The following LARP4B variants were observed in gnomAD, a reference collection of about 807,000 sequenced individuals.
LARP4B encodes la-related protein 4B.
In LARP4B, 12 loss-of-function variants were observed where a neutral mutation model predicts 89.8. That is an observed-to-expected ratio of 0.13 (90% CI 0.09 to 0.22). LARP4B has a LOEUF of 0.22. LARP4B is among the 10% of genes least tolerant of loss of function. The pLI is 1.00. For missense variants in LARP4B, 757 were observed against 947.7 expected (o/e 0.80, Z 2.64); for synonymous variants, 367 against 363.3 (o/e 1.01, Z -0.12).
chr10:904,159 C>T (rs1186687220), intron 1 of LARP4B, among the ~76,000 whole-genome samples: 1 of 152,140 alleles, frequency 6.6e-6, no homozygotes, highest in Non-Finnish European at 1.5e-5. Context: ...TGATGCATAC[C>T]TGCAGTCCTA....
intron 5 of LARP4B, among the ~76,000 whole-genome samples, chr10:854,173 T>A (rs1834188115): frequency 6.6e-6 from 1 of 152,224 alleles, no homozygotes; most frequent in South Asian, 2.1e-4. Flanking sequence ...AGGCTGTACT[T>A]CTGATTCCAG....
chr10:961,443 A>G, the LARP4B span, among the ~76,000 whole-genome samples: 22,387 of 129,916 alleles, frequency 0.17, 2,259 homozygotes, highest in East Asian at 0.25. Context: ...CACTCATGGC[A>G]GCGTGGTGCC....
At chr10:859,392 G>T (rs1473646269) in intron 5 of LARP4B, among the ~76,000 whole-genome samples, 2 of 152,048 alleles carry the variant, frequency 1.3e-5, no homozygotes, top group Middle Eastern at 3.2e-3. Context: ...AAAACTGTAT[G>T]GTGATTCCAC....
At chr10:976,796 T>G in the LARP4B span, among the ~76,000 whole-genome samples, 1 of 146,852 alleles carries the variant, frequency 6.8e-6, no homozygotes, top group Non-Finnish European at 1.5e-5. Flanking sequence ...AGGCCTGTCA[T>G]GTAATGTGTG....
intron 6 of LARP4B, among the ~76,000 whole-genome samples, chr10:844,018 A>T (rs1833657345): frequency 6.6e-6 from 1 of 152,240 alleles, no homozygotes; most frequent in African/African-American, 2.4e-5. Flanking sequence ...TGTAGTGAAC[A>T]AGGCCCTAAG....
chr10:975,444 A>T, the LARP4B span, among the ~76,000 whole-genome samples: 1 of 152,234 alleles, frequency 6.6e-6, no homozygotes, highest in Admixed American at 6.5e-5. Context: ...TACTCCTAGA[A>T]TTTCTTCTTC....
At chr10:845,197 A>T (rs1833713601) in intron 5 of LARP4B, 142 bp from the exon 6 acceptor site, 2 of 576,800 alleles carry the variant, frequency 3.5e-6, no homozygotes, top group African/African-American at 1.9e-5. Flanking sequence ...ATGCTACTTT[A>T]CCTATCAAAA....
intron 5 of LARP4B, among the ~76,000 whole-genome samples, chr10:857,116 A>G (rs918680078): frequency 2.0e-5 from 3 of 152,242 alleles, no homozygotes; most frequent in African/African-American, 7.2e-5. Context: ...CTCTCAAGAA[A>G]GTTACAAGGC....
rs1836585121 is a variant in LARP4B at position 909,081 on chromosome 10, T to G, written c.-40+22347A>C. ...AGGCTGAGGCGGGCAGATCACAAGGTCAGGAGATCAAGATCATCCTGGCTA... is the reference window on the plus strand; with the variant it reads ...AGGCTGAGGCGGGCAGATCACAAGGGCAGGAGATCAAGATCATCCTGGCTA... On this transcript the variant is annotated intron_variant, in intron 1 of 17. Coordinates refer to ENST00000316157, the MANE Select transcript of LARP4B (RefSeq NM_015155.3). Among the ~76,000 whole-genome samples, 3 of 151,708 alleles carry G rather than the reference T, an allele frequency of 2.0e-5. No homozygotes were observed. The South Asian group carries it at 6.2e-4, about 31-fold the overall frequency.
upstream of LARP4B, among the ~76,000 whole-genome samples, chr10:934,055 A>G (rs1223606273): frequency 6.6e-6 from 1 of 151,472 alleles, no homozygotes. Context: ...AATGGTCTTG[A>G]TCTCCTGACC....
At chr10:914,055 A>C (rs1242525830) in intron 1 of LARP4B, among the ~76,000 whole-genome samples, 2 of 152,234 alleles carry the variant, frequency 1.3e-5, no homozygotes, top group African/African-American at 2.4e-5. Context: ...TAAAATATCT[A>C]TCTCATTTAT....
At chr10:842,848 G>C in intron 7 of LARP4B, 84 bp downstream of exon 7, 2 of 1,285,708 alleles carry the variant, frequency 1.6e-6, no homozygotes, top group Non-Finnish European at 2.2e-6. Flanking sequence ...CTTAACGTTT[G>C]ATGGCTATAG....
the LARP4B span, among the ~76,000 whole-genome samples, chr10:950,838 T>C: frequency 6.6e-6 from 1 of 152,180 alleles, no homozygotes; most frequent in Non-Finnish European, 1.5e-5. Context: ...GTTTGTCATG[T>C]ATCCTGTGAT....
At chr10:959,927 A>ACCT in the LARP4B span, among the ~76,000 whole-genome samples, 16 of 134,914 alleles carry the variant, frequency 1.2e-4, no homozygotes, top group African/African-American at 4.6e-4. Context: ...CCTCAATCCC[A>ACCT]CCTCCTCGTC....
the LARP4B span, chr10:986,654 A>T: frequency 6.6e-6 from 1 of 152,264 alleles, no homozygotes; most frequent in South Asian, 2.1e-4. Flanking sequence ...TTGTAGCTGA[A>T]CAAGTTAAAA....
chr10:812,943 G>A lies in LARP4B; in HGVS notation c.2200C>T (p.Pro734Ser), dbSNP rs370989515. 18 of 1,548,646 alleles carry A rather than the reference G, an allele frequency of 1.2e-5. No homozygotes were observed. The African/African-American group carries it at 2.2e-4, about 19-fold the overall frequency. ...KRLSREQSTP[P>S]KSPQ ...TACGGTTTTCACTGAGGAGACTTGG[G>A]GGGAGTGCTCTGCTCTCGGCTGAGA... The change falls in exon 18 of 18, where the codon CCC (proline) becomes TCC (serine). Residue 734 changes from proline (P) to serine (S), a missense_variant. Around this residue, in one of 5 missense-constraint regions of LARP4B, gnomAD observed 387 missense variants for 423.6 expected, o/e 0.91. Coordinates refer to ENST00000316157, the MANE Select transcript of LARP4B (RefSeq NM_015155.3).
chr10:832,538 G>A (rs1832964109), intron 8 of LARP4B, among the ~76,000 whole-genome samples: 2 of 152,156 alleles, frequency 1.3e-5, no homozygotes, highest in South Asian at 4.1e-4. Flanking sequence ...CTACACCAAA[G>A]CATATTGCAA....
At chr10:968,681 A>G in the LARP4B span, among the ~76,000 whole-genome samples, 1 of 152,254 alleles carries the variant, frequency 6.6e-6, no homozygotes, top group Non-Finnish European at 1.5e-5. Context: ...AAGAGCGAAC[A>G]TTCCTTGAGC....
chr10:811,824 AT>A lies in LARP4B; in HGVS notation c.*1101del, dbSNP rs1490904559. The A allele has an allele frequency of 3.9e-5, 6 of 152,624 alleles. No individual in the cohort carries two copies. Among genetic ancestry groups the A allele is most frequent in the Non-Finnish European group, 8.8e-5 (6 of 68,042 alleles). The allele number at this position is 152,624 out of a possible 1,614,324, so 9.5% of individuals were successfully genotyped here. ...AACAAAATAATTTATATTTAACTTT[AT>A]TATAAACTTGCTAACTTTAGTGCAT... is the stretch of plus-strand genomic sequence containing the variant. On this transcript the variant is annotated 3_prime_UTR_variant, in exon 18 of 18. Coordinates refer to ENST00000316157, the MANE Select transcript of LARP4B (RefSeq NM_015155.3).
Sources: gnomAD v4.1 joint callset for allele counts (sites outside exome capture counted in the v4.1 genomes callset) on GRCh38, gnomAD v4.1.1 for gene constraint, gnomAD v4.1.1 regional missense constraint, MANE v1.5 for transcripts, NCBI Gene and HGNC (gene_info 2026-07-23, HGNC 2026-07-21) for gene names.